Variants in KALRN observed in about 807,000 individuals in gnomAD.
The protein encoded by KALRN is kalirin RhoGEF kinase, also known as kalirin.
Under a neutral mutation model 353.7 loss-of-function variants are expected in KALRN, and 70 were observed. The observed-to-expected ratio is 0.20, with a 90% CI of 0.16 to 0.24. The LOEUF (loss-of-function observed/expected upper bound fraction) is 0.24. Among genes scored for constraint, KALRN ranks in the 10% least tolerant of loss-of-function variants. The pLI is 1.00. For missense variants in KALRN, 2,791 were observed against 3,756.7 expected (o/e 0.74, Z 6.72); for synonymous variants, 1,391 against 1,434.8 (o/e 0.97, Z 0.69).
chr3:124,566,384 A>G (rs1369051087), intron 34 of KALRN, among the ~76,000 whole-genome samples: 1 of 152,036 alleles, frequency 6.6e-6, no homozygotes, highest in African/African-American at 2.4e-5. Flanking sequence ...GCACCTATAT[A>G]GTCCCAGCTA....
At chr3:124,053,875 T>C (rs2041273791) in intron 1 of KALRN, among the ~76,000 whole-genome samples, 1 of 152,230 alleles carries the variant, frequency 6.6e-6, no homozygotes, top group African/African-American at 2.4e-5. Flanking sequence ...GCTTGGCTTG[T>C]TGTGCATAAA....
chr3:124,587,109 G>T (rs953403429), intron 34 of KALRN, among the ~76,000 whole-genome samples: 30 of 152,336 alleles, frequency 2.0e-4, no homozygotes, highest in Non-Finnish European at 4.4e-4. Context: ...TCTTGAGGCT[G>T]TCTCTCAAGT....
intron 3 of KALRN, among the ~76,000 whole-genome samples, chr3:124,249,233 G>A (rs899425814): frequency 3.3e-5 from 5 of 152,194 alleles, no homozygotes; most frequent in African/African-American, 1.2e-4. Flanking sequence ...GAATGGGGGA[G>A]GGACCCAGTT....
At chr3:124,679,343 C>T in intron 50 of KALRN, 115 bp from the exon 51 acceptor site, 4 of 851,302 alleles carry the variant, frequency 4.7e-6, no homozygotes, top group Non-Finnish European at 5.6e-6. Flanking sequence ...GGTTTTTTCT[C>T]TGCCCAAGAT....
chr3:124,327,508 T>C (rs2080044196), intron 7 of KALRN, among the ~76,000 whole-genome samples: 1 of 152,214 alleles, frequency 6.6e-6, no homozygotes, highest in African/African-American at 2.4e-5. Context: ...TATGCTGTTG[T>C]TCTCTGTAAA....
intron 1 of KALRN, among the ~76,000 whole-genome samples, chr3:124,161,399 A>G (rs762876117): frequency 1.7e-4 from 26 of 152,222 alleles, no homozygotes; most frequent in Non-Finnish European, 3.4e-4. Flanking sequence ...TTATGTCACA[A>G]TAATGGAAAC....
At position 124,652,709 on chromosome 3, in the gene KALRN, C is replaced by T. The variant is rs367546135; in HGVS notation, c.5795+1771C>T. Among the ~76,000 whole-genome samples, 34 of 152,280 alleles carry T rather than the reference C, an allele frequency of 2.2e-4. No individual in the cohort carries two copies. The South Asian group carries it at 6.4e-3, about 29-fold the overall frequency. ...CTTCTGCCTCAGCCTCCCAAAGTAGCTGGGACTACAGGCACCCGCCACCGC... is the reference window on the plus strand; with the variant it reads ...CTTCTGCCTCAGCCTCCCAAAGTAGTTGGGACTACAGGCACCCGCCACCGC... On this transcript the variant is annotated intron_variant, in intron 38 of 59. Transcript: ENST00000682506.
At chr3:124,161,550 G>A (rs150982036) in intron 1 of KALRN, among the ~76,000 whole-genome samples, 192 of 152,310 alleles carry the variant, frequency 1.3e-3, no homozygotes, top group African/African-American at 4.5e-3. Flanking sequence ...GTAGGTCAAG[G>A]TGAAAACAGA....
rs182496581 is a variant in KALRN at position 124,099,197 on chromosome 3, C to G, written c.73+65384C>G. Among the ~76,000 whole-genome samples the G allele has an allele frequency of 1.6e-3, 247 of 152,302 alleles. 2 individuals carry two copies. Among genetic ancestry groups the G allele is most frequent in the Non-Finnish European group, 2.8e-3 (193 of 68,022 alleles). ...TGTCACCCCACTGTGCTATCAAACCCTAGAACTTACTCTTTCTGTCTATAT... is the reference window on the plus strand; with the variant it reads ...TGTCACCCCACTGTGCTATCAAACCGTAGAACTTACTCTTTCTGTCTATAT... On this transcript the variant is annotated intron_variant, in intron 1 of 59. Transcript: ENST00000682506.
intron 33 of KALRN, among the ~76,000 whole-genome samples, chr3:124,532,331 C>T (rs1285828683): frequency 6.6e-6 from 1 of 152,202 alleles, no homozygotes; most frequent in Admixed American, 6.5e-5. Context: ...GTATCACTGC[C>T]AGGGCAAATT....
rs527368285 is a variant in KALRN at position 124,415,560 on chromosome 3, A to G, written c.2542+1895A>G. ...GTTGCTATAGGCATTGAAACAGTGC[A>G]TACTCTTAAAGCCCTGTACACAAGA... On this transcript the variant is annotated intron_variant, in intron 14 of 59. Coordinates refer to ENST00000682506, the MANE Select transcript of KALRN (RefSeq NM_001388419.1). 7.7e-4 allele frequency among the ~76,000 whole-genome samples: 117 copies of G among 152,376 alleles called. 1 individual carries two copies. The highest frequency in any genetic ancestry group is 2.7e-3 in the African/African-American group (114 of 41,586).
intron 45 of KALRN, among the ~76,000 whole-genome samples, chr3:124,664,370 T>TGTGTGTGTGCGC (rs370394911): frequency 3.7e-4 from 48 of 129,564 alleles, no homozygotes; most frequent in African/African-American, 1.3e-3. Flanking sequence ...TGTGTGTGTG[T>TGTGTGTGTGCGC]GCGCGCGCGC....
intron 13 of KALRN, among the ~76,000 whole-genome samples, chr3:124,411,433 CTTTTTTTTTTTTTTTTT>C (rs61485429): frequency 1.9e-5 from 1 of 51,480 alleles, no homozygotes; most frequent in Non-Finnish European, 3.8e-5. Context: ...TTAAATTATG[CTTTTTTTTTTTTTTTTT>C]TTTTTTTTTT....
chr3:124,349,110 G>A (rs1348859034), intron 10 of KALRN, among the ~76,000 whole-genome samples: 1 of 152,214 alleles, frequency 6.6e-6, no homozygotes, highest in Non-Finnish European at 1.5e-5. Flanking sequence ...TAAACAAAAT[G>A]TGTTCTATTC....
At chr3:124,058,704 A>G (rs2041763642) in intron 1 of KALRN, among the ~76,000 whole-genome samples, 1 of 152,190 alleles carries the variant, frequency 6.6e-6, no homozygotes, top group Non-Finnish European at 1.5e-5. Flanking sequence ...ATCCAGCCCA[A>G]TTAAATCAGT....
At chr3:124,191,734 C>T (rs980013743) in intron 1 of KALRN, among the ~76,000 whole-genome samples, 11 of 152,156 alleles carry the variant, frequency 7.2e-5, no homozygotes, top group Non-Finnish European at 1.6e-4. Flanking sequence ...TCAGGGTAGC[C>T]AGACTTCCTA....
intron 1 of KALRN, among the ~76,000 whole-genome samples, chr3:124,112,720 G>C (rs1021361360): frequency 1.3e-5 from 2 of 152,024 alleles, no homozygotes; most frequent in South Asian, 4.2e-4. Flanking sequence ...TTTGCCACAG[G>C]TTGCTAGCTC....
chr3:124,646,390 A>ATTTTTTTTTTTTTTTTTTTTT (rs1578623220), intron 37 of KALRN, among the ~76,000 whole-genome samples: 2 of 94,668 alleles, frequency 2.1e-5, no homozygotes, highest in Non-Finnish European at 4.3e-5. Context: ...TCTTTTGTTT[A>ATTTTTTTTTTTTTTTTTTTTT]CTTTTTTTTT....
intron 10 of KALRN, among the ~76,000 whole-genome samples, chr3:124,362,470 G>A (rs952070653): frequency 6.6e-6 from 1 of 152,256 alleles, no homozygotes; most frequent in African/African-American, 2.4e-5. Context: ...CAGGATTGGT[G>A]CCTTTATTTG....
Sources: gnomAD v4.1 joint callset for allele counts (sites outside exome capture counted in the v4.1 genomes callset) on GRCh38, gnomAD v4.1.1 for gene constraint, MANE v1.5 for transcripts, NCBI Gene and HGNC (gene_info 2026-07-23, HGNC 2026-07-21) for gene names.